The following PALLD variants were observed in gnomAD, a reference collection of about 807,000 sequenced individuals.
PALLD encodes palladin, cytoskeletal associated protein.
In PALLD, 61 loss-of-function variants were observed where a neutral mutation model predicts 123.5. The ratio of observed to expected loss-of-function variants is 0.49; its 90% confidence interval spans 0.40 to 0.61. The LOEUF is 0.61. Ranked by LOEUF, PALLD falls within the 20% of genes least tolerant of loss-of-function variation. The probability of loss-of-function intolerance (pLI) is 0.00; values close to 1 mark genes in which losing one functional copy is unlikely to be tolerated. For missense variants in PALLD, 1,273 were observed against 1,377.0 expected (o/e 0.92, Z 1.20); for synonymous variants, 465 against 496.4 (o/e 0.94, Z 0.84).
At chr4:168,865,867 C>T (rs929900960) in intron 10 of PALLD, among the ~76,000 whole-genome samples, 3 of 151,938 alleles carry the variant, frequency 2.0e-5, no homozygotes, top group South Asian at 2.1e-4. Flanking sequence ...AAAGAAAGAC[C>T]GAGAATGATT....
At chr4:168,758,678 A>G (rs1581316579) in intron 10 of PALLD, among the ~76,000 whole-genome samples, 1 of 152,102 alleles carries the variant, frequency 6.6e-6, no homozygotes, top group Non-Finnish European at 1.5e-5. Context: ...AGACTAGAGA[A>G]AAAAAAATAT....
chr4:168,733,821 G>A (rs1479702643), intron 10 of PALLD, among the ~76,000 whole-genome samples: 5 of 152,118 alleles, frequency 3.3e-5, no homozygotes, highest in Non-Finnish European at 7.4e-5. Flanking sequence ...TGCAAGCTCC[G>A]CCTCCCAGGT....
chr4:168,897,124 C>G (rs1755383081), intron 13 of PALLD, among the ~76,000 whole-genome samples: 1 of 152,302 alleles, frequency 6.6e-6, no homozygotes, highest in South Asian at 2.1e-4. Context: ...GCCACAGTGC[C>G]TGGCCTCTGA....
At chr4:168,505,473 G>C (rs1209617293) in intron 1 of PALLD, among the ~76,000 whole-genome samples, 6 of 152,184 alleles carry the variant, frequency 3.9e-5, no homozygotes, top group Admixed American at 1.3e-4. Context: ...ATGTTCATTT[G>C]GAACTAAAAA....
chr4:168,776,256 G>T (rs1735155015), intron 10 of PALLD, among the ~76,000 whole-genome samples: 1 of 152,140 alleles, frequency 6.6e-6, no homozygotes, highest in South Asian at 2.1e-4. Context: ...TCTTTTGTTA[G>T]ATTTATTCCT....
chr4:168,576,962 C>A (rs1769678401), intron 2 of PALLD, among the ~76,000 whole-genome samples: 1 of 152,046 alleles, frequency 6.6e-6, no homozygotes, highest in Non-Finnish European at 1.5e-5. Flanking sequence ...AAATTGGCAG[C>A]ATTTTCTTTC....
chr4:168,575,372 G>C (rs1017829277), intron 2 of PALLD, among the ~76,000 whole-genome samples: 1 of 151,954 alleles, frequency 6.6e-6, no homozygotes, highest in Non-Finnish European at 1.5e-5. Context: ...GCAGGTGAGA[G>C]AGTGTATGTA....
At chr4:168,875,790 T>C (rs941709984) in intron 10 of PALLD, among the ~76,000 whole-genome samples, 5 of 152,202 alleles carry the variant, frequency 3.3e-5, no homozygotes, top group East Asian at 1.9e-4. Flanking sequence ...CATGGAGAAG[T>C]TGAGAACCAA....
chr4:168,903,519 T>C (rs546321336), intron 14 of PALLD, among the ~76,000 whole-genome samples: 134 of 152,274 alleles, frequency 8.8e-4, no homozygotes, highest in African/African-American at 3.0e-3. Context: ...TATATGAATG[T>C]AAGTGCAATA....
intron 3 of PALLD, among the ~76,000 whole-genome samples, chr4:168,681,014 A>G (rs1255737473): frequency 6.6e-6 from 1 of 152,232 alleles, no homozygotes; most frequent in Non-Finnish European, 1.5e-5. Context: ...ACACACACAC[A>G]TCTTTATTTC....
chr4:168,600,636 A>C (rs1353643560), intron 2 of PALLD, among the ~76,000 whole-genome samples: 2 of 152,186 alleles, frequency 1.3e-5, no homozygotes, highest in Non-Finnish European at 2.9e-5. Flanking sequence ...ATTTCTCAGG[A>C]TTTCTTAAAT....
At chr4:168,523,601 T>C (rs1168616681) in intron 2 of PALLD, among the ~76,000 whole-genome samples, 1 of 152,078 alleles carries the variant, frequency 6.6e-6, no homozygotes, top group South Asian at 2.1e-4. Context: ...TCTAGAAGGA[T>C]AGTAATGAGA....
At chr4:168,669,160 G>A (rs1382405420) in intron 3 of PALLD, among the ~76,000 whole-genome samples, 1 of 152,172 alleles carries the variant, frequency 6.6e-6, no homozygotes, top group African/African-American at 2.4e-5. Flanking sequence ...CTTGAGGTCT[G>A]TACTTTTTTA....
At chr4:168,772,007 G>A (rs1734522177) in intron 10 of PALLD, among the ~76,000 whole-genome samples, 1 of 152,122 alleles carries the variant, frequency 6.6e-6, no homozygotes, top group Non-Finnish European at 1.5e-5. Context: ...AAAAACATCA[G>A]CACAGGTATA....
In PALLD at chr4:168,566,810, A is replaced by T. The variant is rs79821747; in HGVS notation, c.908+54398A>T. ...CTAAGCAGAAGAAATCTGCATATTA[A>T]TATAAACATTGGGCTCATTTATTTG... On this transcript the variant is annotated intron_variant, in intron 2 of 21. Transcript: ENST00000505667. Among the ~76,000 whole-genome samples, 1,225 of 152,330 alleles carry T rather than the reference A, an allele frequency of 8.0e-3. 11 individuals carry two copies. Among genetic ancestry groups the T allele is most frequent in the Non-Finnish European group, 0.012 (791 of 68,022 alleles).
Position 168,691,250 on chromosome 4 carries a change from T to C in PALLD, c.1478-19T>C. 6.3e-7 allele frequency: 1 copy of C among 1,599,856 alleles called. No individual in the cohort carries two copies. The highest frequency in any genetic ancestry group is 8.6e-7 in the Non-Finnish European group (1 of 1,167,554). Reference sequence around the variant, plus strand: ...TTCTAATACTTTGTTCTAATTTATTTTTTTCATGTGGCAAACAGAACCTAG... The same window carrying C: ...TTCTAATACTTTGTTCTAATTTATTCTTTTCATGTGGCAAACAGAACCTAG... On this transcript the variant is annotated intron_variant, in intron 7 of 21. Coordinates refer to ENST00000505667, the MANE Select transcript of PALLD (RefSeq NM_001166108.2).
chr4:168,507,353 T>G (rs1293336284), intron 1 of PALLD: 1 of 179,344 alleles, frequency 5.6e-6, no homozygotes, highest in Non-Finnish European at 1.2e-5. Context: ...CTTCCCTGAA[T>G]CACCAGCTCT....
chr4:168,564,779 T>G lies in PALLD; in HGVS notation c.908+52367T>G, dbSNP rs534572365. ...TTTCAAGTTTATATATTTATGTTTT[T>G]AGAGAAAATCACTATAGATTAAGTC... On this transcript the variant is annotated intron_variant, in intron 2 of 21. Coordinates refer to ENST00000505667, the MANE Select transcript of PALLD (RefSeq NM_001166108.2). 2.8e-4 allele frequency among the ~76,000 whole-genome samples: 43 copies of G among 152,312 alleles called. 1 individual carries two copies. The highest frequency in any genetic ancestry group is 9.6e-4 in the African/African-American group (40 of 41,578).
intron 10 of PALLD, among the ~76,000 whole-genome samples, chr4:168,746,927 A>G (rs1170219818): frequency 6.6e-6 from 1 of 152,358 alleles, no homozygotes; most frequent in South Asian, 2.1e-4. Flanking sequence ...AGAAAACTGC[A>G]TGATCAGATA....
Sources: gnomAD v4.1 joint callset for allele counts (sites outside exome capture counted in the v4.1 genomes callset) on GRCh38, gnomAD v4.1.1 for gene constraint, MANE v1.5 for transcripts, NCBI Gene and HGNC (gene_info 2026-07-23, HGNC 2026-07-21) for gene names.